Variants in EZH1 observed in about 807,000 individuals in gnomAD.
The protein encoded by EZH1 is enhancer of zeste 1 polycomb repressive complex 2 subunit.
EZH1 carries 33 observed loss-of-function variants against 100.5 expected under a neutral mutation model. The observed-to-expected ratio is 0.33, with a 90% CI of 0.25 to 0.44. The LOEUF (loss-of-function observed/expected upper bound fraction) is 0.44, where lower values mean the gene tolerates loss of function less well. EZH1 is among the 20% of genes least tolerant of loss of function. The pLI is 1.00. For synonymous variants in EZH1, 272 were observed against 313.8 expected (o/e 0.87, Z 1.41); for missense variants, 475 against 928.4 (o/e 0.51, Z 6.35).
chr17:42,729,036 T>G, intron 2 of EZH1, 84 bp from the exon 3 acceptor site: 1 of 1,276,914 alleles, frequency 7.8e-7, no homozygotes, highest in Non-Finnish European at 1.1e-6. Flanking sequence ...AAAAGATCAA[T>G]TATGCTTTCA....
At chr17:42,728,438 T>C (rs2053868174) in intron 3 of EZH1, among the ~76,000 whole-genome samples, 1 of 143,632 alleles carries the variant, frequency 7.0e-6, no homozygotes. Context: ...AAACAAAAGT[T>C]AAAAAGAAAT....
chr17:42,708,691 T>G (rs1351914015), intron 14 of EZH1, among the ~76,000 whole-genome samples, 185 bp downstream of exon 14: 1 of 152,140 alleles, frequency 6.6e-6, no homozygotes, highest in South Asian at 2.1e-4. Flanking sequence ...AGGCCCTTAA[T>G]GTTACCTCCT....
At chr17:42,709,652 A>G (rs2053436765) in intron 13 of EZH1, 194 bp downstream of exon 13, 1 of 556,680 alleles carries the variant, frequency 1.8e-6, no homozygotes, top group Non-Finnish European at 3.2e-6. Context: ...GGGGACAAGA[A>G]GAGGGCTGAT....
chr17:42,710,023 T>C lies in EZH1; in HGVS notation c.1402-86A>G, dbSNP rs200187210. On this transcript the variant is annotated intron_variant, in intron 12 of 20. Coordinates refer to ENST00000428826, the MANE Select transcript of EZH1 (RefSeq NM_001991.5). ...AGCTGGGTGCTGGCCTTGGGAGGGTTCTGAGAAACTCAGGCAGCTGACCAA... is the reference window on the plus strand; with the variant it reads ...AGCTGGGTGCTGGCCTTGGGAGGGTCCTGAGAAACTCAGGCAGCTGACCAA... 6.2e-4 allele frequency: 709 copies of C among 1,144,634 alleles called. 5 individuals are homozygous for C. The East Asian group carries it at 0.012, about 20-fold the overall frequency. 70.9% of individuals were successfully genotyped at this position (1,144,634 alleles called of 1,614,324 possible).
chr17:42,743,171 CT>C (rs543119090), intron 1 of EZH1, among the ~76,000 whole-genome samples: 365 of 123,874 alleles, frequency 2.9e-3, no homozygotes, highest in Middle Eastern at 5.3e-3. Context: ...GCCAGGCCTC[CT>C]TTTTTTTTTT....
At position 42,728,810 on chromosome 17, in the gene EZH1, G is replaced by A. The variant is rs2053878720; in HGVS notation, c.117+15C>T. ...ATTGAAATATATAAACTTTCACTTG[G>A]GAATTATTTTTTACCTTTGCACCCA... On this transcript the variant is annotated intron_variant, in intron 3 of 20. Transcript: ENST00000428826. The A allele has an allele frequency of 1.2e-6, 2 of 1,609,626 alleles. No homozygotes were observed. Among genetic ancestry groups the A allele is most frequent in the African/African-American group, 2.7e-5 (2 of 74,518 alleles).
rs951993990 is a variant in EZH1, at chr17:42,703,164, G to A, written c.2099-203C>T. ...TATCTTTATTATTATTATAAGTGGGGTTTTTTGTTTTGTTTTGTTTTGTTT... is the reference window on the plus strand; with the variant it reads ...TATCTTTATTATTATTATAAGTGGGATTTTTTGTTTTGTTTTGTTTTGTTT... On this transcript the variant is annotated intron_variant, in intron 19 of 20. Coordinates refer to ENST00000428826, the MANE Select transcript of EZH1 (RefSeq NM_001991.5). 1.5e-5 allele frequency: 8 copies of A among 550,694 alleles called. No individual in the cohort carries two copies. The East Asian group carries it at 2.6e-4, about 18-fold the overall frequency. The allele number at this position is 550,694 out of a possible 1,614,324, so 34.1% of individuals were successfully genotyped here. A position where few individuals can be genotyped will look rare whatever the true frequency, so the allele number is the denominator to read the frequency against.
intron 11 of EZH1, 128 bp from the exon 12 acceptor site, chr17:42,712,613 T>C: frequency 3.1e-6 from 3 of 957,900 alleles, no homozygotes; most frequent in Non-Finnish European, 4.6e-6. Flanking sequence ...AAATATTCCC[T>C]ATCTTTAGGC....
At chr17:42,724,523 G>T in intron 4 of EZH1, 99 bp from the exon 5 acceptor site, 1 of 1,440,922 alleles carries the variant, frequency 6.9e-7, no homozygotes. Flanking sequence ...AGTGGCTCAT[G>T]CCAGTAATCC....
intron 1 of EZH1, among the ~76,000 whole-genome samples, chr17:42,742,971 G>A (rs1323147626): frequency 1.3e-5 from 2 of 151,922 alleles, no homozygotes; most frequent in Non-Finnish European, 2.9e-5. Context: ...CCAGGTTCAA[G>A]CGATTCTCGT....
chr17:42,737,895 G>A (rs575384367), intron 1 of EZH1, among the ~76,000 whole-genome samples: 4 of 152,166 alleles, frequency 2.6e-5, no homozygotes, highest in African/African-American at 7.2e-5. Context: ...TTTAAGGAAC[G>A]GCTGGGTGCG....
intron 6 of EZH1, among the ~76,000 whole-genome samples, chr17:42,722,208 C>A (rs534637722): frequency 1.5e-4 from 23 of 150,574 alleles, no homozygotes; most frequent in Middle Eastern, 6.8e-3. Flanking sequence ...TCCCAGCCCC[C>A]CAGGAGGCTA....
In EZH1 at chr17:42,707,934, A is replaced by G. The variant is rs1347061899; in HGVS notation, c.1660+24T>C. On this transcript the variant is annotated intron_variant, in intron 15 of 20. Transcript: ENST00000428826. The stretch of plus-strand genomic sequence containing the variant: ...CTGGAGCCAACTGTTTTGGTAGACT[A>G]TACAGAAAACGTAGCACACTTACAG... 4 of 1,613,226 alleles carry G rather than the reference A, an allele frequency of 2.5e-6. No individual in the cohort carries two copies. In the Admixed American group the frequency reaches 6.7e-5, roughly 27 times the overall value.
At chr17:42,722,625 C>T (rs1392845771) in intron 6 of EZH1, among the ~76,000 whole-genome samples, 170 bp downstream of exon 6, 1 of 104,132 alleles carries the variant, frequency 9.6e-6, no homozygotes, top group Non-Finnish European at 1.9e-5. Flanking sequence ...AACTCCGTCT[C>T]AAAAAAAAAA....
chr17:42,728,053 G>A (rs1287736749), intron 3 of EZH1, among the ~76,000 whole-genome samples: 1 of 149,978 alleles, frequency 6.7e-6, no homozygotes, highest in African/African-American at 2.5e-5. Flanking sequence ...CTGGCCTCAA[G>A]TGATCTGCCT....
intron 1 of EZH1, among the ~76,000 whole-genome samples, chr17:42,741,053 C>T (rs200508762): frequency 1.3e-5 from 2 of 152,308 alleles, no homozygotes; most frequent in African/African-American, 4.8e-5. Flanking sequence ...ACCTTTAACC[C>T]TTCCCCTCAA....
chr17:42,735,097 T>C (rs756996495), intron 1 of EZH1, among the ~76,000 whole-genome samples: 3 of 152,054 alleles, frequency 2.0e-5, no homozygotes, highest in Non-Finnish European at 2.9e-5. Flanking sequence ...AAAAAAGAAG[T>C]ATTAAGTAAT....
chr17:42,707,812 A>G (rs928907502), intron 15 of EZH1, 146 bp downstream of exon 15: 5 of 970,712 alleles, frequency 5.2e-6, no homozygotes, highest in African/African-American at 5.0e-5. Flanking sequence ...GATCTCATGC[A>G]CTTATTTCAT....
chr17:42,723,856 C>G (rs1215737719), intron 5 of EZH1, among the ~76,000 whole-genome samples: 1 of 152,148 alleles, frequency 6.6e-6, no homozygotes, highest in East Asian at 1.9e-4. Context: ...TAGGAGTCAG[C>G]ACAAAGGCCC....
Sources: gnomAD v4.1 joint callset for allele counts (sites outside exome capture counted in the v4.1 genomes callset) on GRCh38, gnomAD v4.1.1 for gene constraint, MANE v1.5 for transcripts, NCBI Gene and HGNC (gene_info 2026-07-23, HGNC 2026-07-21) for gene names.